MYOF: variants seen among roughly 807,000 people sequenced by gnomAD.
MYOF encodes fer-1-like 3, myoferlin.
MYOF carries 244 observed loss-of-function variants against 284.2 expected under a neutral mutation model. That is an observed-to-expected ratio of 0.86 (90% CI 0.77 to 0.95). The LOEUF (loss-of-function observed/expected upper bound fraction) is 0.95, where lower values mean the gene tolerates loss of function less well. Ranked by LOEUF, MYOF falls within the 40% of genes least tolerant of loss-of-function variation. The pLI, the probability that MYOF is intolerant of heterozygous loss-of-function variation, is 0.00. For synonymous variants in MYOF, 904 were observed against 919.7 expected, an observed-to-expected ratio of 0.98 and a Z score of 0.31; for missense variants, 2,496 against 2,560.6, an observed-to-expected ratio of 0.97 and a Z score of 0.54.
chr10:93,467,176 A>G (rs1262576231), intron 1 of MYOF, among the ~76,000 whole-genome samples: 1 of 151,626 alleles, frequency 6.6e-6, no homozygotes, highest in Non-Finnish European at 1.5e-5. Context: ...AAATTTTATT[A>G]TTATTATACT....
intron 30 of MYOF, among the ~76,000 whole-genome samples, chr10:93,355,981 G>C (rs1013734446): frequency 1.3e-5 from 2 of 152,118 alleles, no homozygotes; most frequent in African/African-American, 4.8e-5. Context: ...GTCCAGGTTT[G>C]CCAAACCCTG....
At chr10:93,336,905 A>G (rs1040895998) in intron 40 of MYOF, among the ~76,000 whole-genome samples, 11 of 148,388 alleles carry the variant, frequency 7.4e-5, no homozygotes, top group African/African-American at 1.5e-4. Context: ...GAAAGAGAAG[A>G]AAGGAAGGAA....
intron 5 of MYOF, among the ~76,000 whole-genome samples, chr10:93,415,857 T>TA (rs1448275366): frequency 6.6e-6 from 1 of 152,134 alleles, no homozygotes; most frequent in Non-Finnish European, 1.5e-5. Flanking sequence ...CCCAGAATAT[T>TA]AAAAAACAAA....
At chr10:93,406,179 G>C (rs970239039) in intron 7 of MYOF, among the ~76,000 whole-genome samples, 1 of 149,418 alleles carries the variant, frequency 6.7e-6, no homozygotes, top group Non-Finnish European at 1.5e-5. Flanking sequence ...GGCTGGTCTT[G>C]AACTCCTGAT....
At chr10:93,442,205 G>A (rs1241409333) in intron 3 of MYOF, among the ~76,000 whole-genome samples, 3 of 152,126 alleles carry the variant, frequency 2.0e-5, no homozygotes, top group South Asian at 2.1e-4. Flanking sequence ...ACTGTCTGAC[G>A]GACTCATAGT....
intron 47 of MYOF, 36 bp from the exon 48 acceptor site, chr10:93,323,209 T>C (rs1355894834): frequency 2.5e-6 from 4 of 1,613,640 alleles, no homozygotes; most frequent in Non-Finnish European, 3.4e-6. Flanking sequence ...CTTTTTTTTC[T>C]GGTCCTGGAC....
At chr10:93,412,662 T>C (rs1473018992) in intron 5 of MYOF, among the ~76,000 whole-genome samples, 1 of 152,204 alleles carries the variant, frequency 6.6e-6, no homozygotes, top group Non-Finnish European at 1.5e-5. Context: ...GCAAGGAGCT[T>C]GCCTTTGCTT....
intron 3 of MYOF, among the ~76,000 whole-genome samples, chr10:93,449,828 G>C (rs2056540375): frequency 6.6e-6 from 1 of 152,014 alleles, no homozygotes; most frequent in South Asian, 2.1e-4. Context: ...AATATGCAGG[G>C]GGCATCGGTC....
At chr10:93,379,156 A>G (rs569041578) in intron 21 of MYOF, among the ~76,000 whole-genome samples, 1 of 152,174 alleles carries the variant, frequency 6.6e-6, no homozygotes, top group Admixed American at 6.5e-5. Context: ...GAAATCCCCA[A>G]CCTCCAAACA....
intron 40 of MYOF, chr10:93,337,459 T>G (rs1843668044): frequency 4.8e-6 from 1 of 210,366 alleles, no homozygotes; most frequent in Admixed American, 5.3e-5. Context: ...CAACAAAGCA[T>G]GTTGACATCT....
In MYOF at chr10:93,359,849, G is replaced by A; in HGVS notation, c.3104C>T (p.Ala1035Val). The change falls in exon 29 of 54, where the codon GCT (alanine) becomes GTT (valine). Residue 1035 changes from alanine (A) to valine (V), a missense_variant. Physicochemically the swap from Ala to Val is moderately conservative, Grantham distance 64. Transcript: ENST00000359263. ...TTCTCTTACCCTTGCGGTGCTTGAA[G>A]CAGTCTGTGTTAAATCTTTCTTGCG... ...RKRKKDLTQTASSTARAMEEL... is the reference protein window; with the variant it reads ...RKRKKDLTQTVSSTARAMEEL... 6.2e-7 allele frequency: 1 copy of A among 1,614,200 alleles called. No homozygotes were observed. Among genetic ancestry groups the A allele is most frequent in the Non-Finnish European group, 8.5e-7 (1 of 1,180,026 alleles).
intron 19 of MYOF, among the ~76,000 whole-genome samples, chr10:93,381,970 G>A (rs1846139856): frequency 6.6e-6 from 1 of 152,184 alleles, no homozygotes; most frequent in African/African-American, 2.4e-5. Context: ...TCAGGAGGTA[G>A]AGGTTGCAGT....
At position 93,306,703 on chromosome 10, in the gene MYOF, C is replaced by A; in HGVS notation, c.*260G>T. ...GATGATTTTTAAATGGAACCAGCCACCTTGAAAAATATTTTGAAAAACATG... is the reference window on the plus strand; with the variant it reads ...GATGATTTTTAAATGGAACCAGCCAACTTGAAAAATATTTTGAAAAACATG... On this transcript the variant is annotated 3_prime_UTR_variant, in exon 54 of 54. Transcript: ENST00000359263. The A allele has an allele frequency of 2.3e-6, 1 of 440,096 alleles. No homozygotes were observed. Among genetic ancestry groups the A allele is most frequent in the Non-Finnish European group, 4.0e-6 (1 of 251,928 alleles). 27.3% of individuals were successfully genotyped at this position (440,096 alleles called of 1,614,324 possible).
At chr10:93,376,202 C>G (rs1471162622) in intron 22 of MYOF, among the ~76,000 whole-genome samples, 1 of 152,188 alleles carries the variant, frequency 6.6e-6, no homozygotes, top group Non-Finnish European at 1.5e-5. Flanking sequence ...AAAGTTATTA[C>G]CAAATGTTTC....
chr10:93,408,904 T>C lies in MYOF; in HGVS notation c.612A>G (p.Arg204=), dbSNP rs373819166. The change falls in exon 7 of 54, where the codon CGA becomes CGG. Residue 204 remains arginine, a synonymous_variant. Transcript: ENST00000359263. ...NKPQDFQIRV[R]VIEGRQLSGN... is the part of the protein sequence containing the mutation. ...CACTTAACTGTCGGCCCTCAATCAC[T>C]CGGACGCGGATCTGCAGCACAGAAG... The C allele has an allele frequency of 1.2e-6, 2 of 1,614,068 alleles. No homozygotes were observed. Among genetic ancestry groups the C allele is most frequent in the Non-Finnish European group, 1.7e-6 (2 of 1,180,044 alleles).
chr10:93,323,585 C>A, intron 46 of MYOF: 3 of 536,854 alleles, frequency 5.6e-6, no homozygotes, highest in South Asian at 2.6e-5. Flanking sequence ...TCTCTGACGG[C>A]TGCACATGCC....
In MYOF at chr10:93,347,777, C is replaced by T. The variant is rs760330124; in HGVS notation, c.4089G>A (p.Leu1363=). The T allele has an allele frequency of 3.7e-6, 6 of 1,610,240 alleles. No individual in the cohort carries two copies. Among genetic ancestry groups the T allele is most frequent in the East Asian group, 2.2e-5 (1 of 44,714 alleles). Residue 1363 remains leucine, a synonymous_variant, in exon 37 of 54, where the codon TTG becomes TTA. Transcript: ENST00000359263. ...PSSVLFMKVF[L]PKEELYMPPL... ...GGGGCATGTACAATTCCTCCTTGGGCAAGAACTGGGGGTCACAAAGGTAGG... is the reference window on the plus strand; with the variant it reads ...GGGGCATGTACAATTCCTCCTTGGGTAAGAACTGGGGGTCACAAAGGTAGG...
intron 27 of MYOF, among the ~76,000 whole-genome samples, chr10:93,362,961 A>C (rs1845145691): frequency 6.6e-6 from 1 of 152,232 alleles, no homozygotes. Context: ...GTTCATAAAC[A>C]TACAAAAATG....
chr10:93,444,303 A>C (rs558851796), intron 3 of MYOF, among the ~76,000 whole-genome samples: 1 of 152,344 alleles, frequency 6.6e-6, no homozygotes, highest in South Asian at 2.1e-4. Flanking sequence ...GCACTGTGCT[A>C]AGTGCTGGTC....
Sources: allele counts gnomAD v4.1 joint callset (sites outside exome capture counted in the v4.1 genomes callset), GRCh38; gene constraint gnomAD v4.1.1; transcripts MANE v1.5; gene names NCBI Gene and HGNC (gene_info 2026-07-23, HGNC 2026-07-21).